Variants in CPPED1 observed in about 807,000 individuals in gnomAD.
The protein encoded by CPPED1 is serine/threonine-protein phosphatase CPPED1.
CPPED1 carries 28 observed loss-of-function variants against 28.0 expected under a neutral mutation model. The observed-to-expected ratio is 1.00, with a 90% CI of 0.74 to 1.37. The LOEUF (loss-of-function observed/expected upper bound fraction) is 1.37, where lower values mean the gene tolerates loss of function less well. Ranked by LOEUF, CPPED1 falls within the 40% of genes most tolerant of loss-of-function variation. The pLI is 0.00. For synonymous variants in CPPED1, 198 were observed against 180.2 expected (o/e 1.10, Z -0.79); for missense variants, 504 against 416.5 (o/e 1.21, Z -1.83).
chr16:12,668,097 A>T (rs2079834988), intron 3 of CPPED1, among the ~76,000 whole-genome samples: 1 of 152,238 alleles, frequency 6.6e-6, no homozygotes, highest in East Asian at 1.9e-4. Flanking sequence ...TATGAACCTC[A>T]AATTTTATTC....
intron 3 of CPPED1, among the ~76,000 whole-genome samples, chr16:12,685,039 G>A (rs1420711197): frequency 1.3e-5 from 2 of 151,960 alleles, no homozygotes; most frequent in Non-Finnish European, 2.9e-5. Flanking sequence ...CGACAGGGTG[G>A]AAACTGGAGA....
chr16:12,703,770 T>C (rs2080033075), intron 3 of CPPED1, among the ~76,000 whole-genome samples: 1 of 151,316 alleles, frequency 6.6e-6, no homozygotes, highest in South Asian at 2.1e-4. Flanking sequence ...AACTGGAATT[T>C]GCCAAATCAC....
rs535646342 is a variant in CPPED1, at chr16:12,661,214, T to C, written c.*3672A>G. On this transcript the variant is annotated 3_prime_UTR_variant, in exon 4 of 4. Coordinates refer to ENST00000381774, the MANE Select transcript of CPPED1 (RefSeq NM_018340.3). ...GTAATATTAAACTACTATGTGTATA[T>C]TGTTTCTACAGTTGTATACACCGTA... 3 of 152,364 alleles carry C rather than the reference T, an allele frequency of 2.0e-5. 1 individual carries two copies. The South Asian group carries it at 6.2e-4, about 32-fold the overall frequency. The allele number at this position is 152,364 out of a possible 1,614,324, so 9.4% of individuals were successfully genotyped here.
chr16:12,718,693 T>G (rs367669145), intron 2 of CPPED1, among the ~76,000 whole-genome samples: 3 of 152,142 alleles, frequency 2.0e-5, no homozygotes, highest in African/African-American at 7.2e-5. Flanking sequence ...CTGGGAGCGG[T>G]GGCTCACGCC....
chr16:12,770,949 C>T (rs938579651), intron 2 of CPPED1, among the ~76,000 whole-genome samples: 3 of 151,936 alleles, frequency 2.0e-5, no homozygotes, highest in Non-Finnish European at 4.4e-5. Flanking sequence ...ACACTTTTGA[C>T]CACAGTGACC....
At chr16:12,700,475 C>G (rs1425208061) in intron 3 of CPPED1, among the ~76,000 whole-genome samples, 1 of 152,210 alleles carries the variant, frequency 6.6e-6, no homozygotes, top group Non-Finnish European at 1.5e-5. Flanking sequence ...ATTGCAATCT[C>G]CACCTCCCAG....
intron 3 of CPPED1, among the ~76,000 whole-genome samples, chr16:12,667,891 T>C (rs1049217119): frequency 6.6e-6 from 1 of 152,190 alleles, no homozygotes; most frequent in Non-Finnish European, 1.5e-5. Flanking sequence ...TAAAAAGTAC[T>C]ACACAGGAAA....
At chr16:12,666,798 T>G (rs562247705) in intron 3 of CPPED1, among the ~76,000 whole-genome samples, 1 of 152,230 alleles carries the variant, frequency 6.6e-6, no homozygotes, top group East Asian at 1.9e-4. Context: ...CTTTTTAATA[T>G]AATCTATTTA....
Position 12,665,116 on chromosome 16 carries a change from C to A in CPPED1, c.716-1G>T. ...TGGCCTGAGAACACGACTTTGACACCTGCAGAGAAGGGAAAAAGTCATTAG... is the reference window on the plus strand; with the variant it reads ...TGGCCTGAGAACACGACTTTGACACATGCAGAGAAGGGAAAAAGTCATTAG... On this transcript the variant is annotated splice_acceptor_variant, in intron 3 of 3. Transcript: ENST00000381774. LOFTEE classifies it high-confidence loss of function. 1 of 1,589,624 alleles carries A rather than the reference C, an allele frequency of 6.3e-7. No homozygotes were observed.
At chr16:12,671,501 G>C (rs188390675) in intron 3 of CPPED1, among the ~76,000 whole-genome samples, 8 of 152,176 alleles carry the variant, frequency 5.3e-5, no homozygotes, top group African/African-American at 1.9e-4. Context: ...GGGGTTCTGG[G>C]AGGCTGTAAA....
chr16:12,777,237 G>A lies in CPPED1; in HGVS notation c.289+3948C>T, dbSNP rs527940557. On this transcript the variant is annotated intron_variant, in intron 2 of 3. Transcript: ENST00000381774. ...ATTCCTGTATTAACTGTTTTTGTGT[G>A]GTTATGCCAATTTTTAATAAACAGG... Among the ~76,000 whole-genome samples, 4 of 152,254 alleles carry A rather than the reference G, an allele frequency of 2.6e-5. No individual in the cohort carries two copies. The East Asian group carries it at 7.7e-4, about 29-fold the overall frequency.
At chr16:12,699,932 G>C (rs530500454) in intron 3 of CPPED1, among the ~76,000 whole-genome samples, 1 of 152,264 alleles carries the variant, frequency 6.6e-6, no homozygotes, top group South Asian at 2.1e-4. Flanking sequence ...CAATTATGTT[G>C]TTGTGACCTG....
rs145557215 is a variant in CPPED1 at position 12,783,288 on chromosome 16, A to G, written c.71-1885T>C. 4.2e-3 allele frequency among the ~76,000 whole-genome samples: 642 copies of G among 152,316 alleles called. 17 individuals carry two copies. The East Asian group carries it at 0.043, about 10-fold the overall frequency. On this transcript the variant is annotated intron_variant, in intron 1 of 3. Coordinates refer to ENST00000381774, the MANE Select transcript of CPPED1 (RefSeq NM_018340.3). ...CAAGGCGGGCAGATTACTTGAGGTC[A>G]TGAATTTGAGAACATCCTGGCCAAC...
chr16:12,787,842 G>A (rs991342574), intron 1 of CPPED1, among the ~76,000 whole-genome samples: 8 of 152,134 alleles, frequency 5.3e-5, no homozygotes. Context: ...TAGCCTCTGT[G>A]GGAGTCTGGC....
intron 3 of CPPED1, among the ~76,000 whole-genome samples, chr16:12,692,850 C>A (rs2079970583): frequency 6.6e-6 from 1 of 152,156 alleles, no homozygotes; most frequent in African/African-American, 2.4e-5. Flanking sequence ...CAGCATAGGG[C>A]CCCACCTGGC....
chr16:12,802,116 C>T (rs1006170601), intron 1 of CPPED1, among the ~76,000 whole-genome samples: 6 of 152,088 alleles, frequency 3.9e-5, no homozygotes, highest in African/African-American at 1.2e-4. Context: ...AGGAGCCCAC[C>T]GATGTAGCTC....
chr16:12,792,159 G>C (rs2080600512), intron 1 of CPPED1, among the ~76,000 whole-genome samples: 1 of 152,150 alleles, frequency 6.6e-6, no homozygotes, highest in Middle Eastern at 3.4e-3. Flanking sequence ...CACCATGTTG[G>C]CCAGACTGGT....
chr16:12,664,225 T>A lies in CPPED1; in HGVS notation c.*661A>T. On this transcript the variant is annotated 3_prime_UTR_variant, in exon 4 of 4. Coordinates refer to ENST00000381774, the MANE Select transcript of CPPED1 (RefSeq NM_018340.3). The surrounding 1 kb of genome is among the most constrained non-coding windows in gnomAD (Gnocchi z 4.2). ...GAGGAGATTTTCAGAAATGGCCAATTTATGTGCAAAGGTGACTTTTCTAGG... is the reference window on the plus strand; with the variant it reads ...GAGGAGATTTTCAGAAATGGCCAATATATGTGCAAAGGTGACTTTTCTAGG... 3.2e-6 allele frequency: 1 copy of A among 309,632 alleles called. No individual in the cohort carries two copies. Among genetic ancestry groups the A allele is most frequent in the Non-Finnish European group, 4.7e-6 (1 of 211,790 alleles). The allele number at this position is 309,632 out of a possible 1,614,324, so 19.2% of individuals were successfully genotyped here.
At chr16:12,699,148 A>G (rs1241163423) in intron 3 of CPPED1, among the ~76,000 whole-genome samples, 1 of 152,196 alleles carries the variant, frequency 6.6e-6, no homozygotes, top group Non-Finnish European at 1.5e-5. Flanking sequence ...TTGCTACTCC[A>G]ACTAGGTATC....
Sources: gnomAD v4.1 joint callset for allele counts (sites outside exome capture counted in the v4.1 genomes callset) on GRCh38, gnomAD v4.1.1 for gene constraint, Gnocchi (gnomAD v3.1) non-coding constraint, MANE v1.5 for transcripts, NCBI Gene and HGNC (gene_info 2026-07-23, HGNC 2026-07-21) for gene names.